The following IPPK variants were observed in gnomAD, a reference collection of about 807,000 sequenced individuals.
IPPK encodes inositol-pentakisphosphate 2-kinase, also known as IPK1 homolog.
IPPK carries 22 observed loss-of-function variants against 64.6 expected under a neutral mutation model. That is an observed-to-expected ratio of 0.34 (90% CI 0.24 to 0.49). The LOEUF (loss-of-function observed/expected upper bound fraction) is 0.49, where lower values mean the gene tolerates loss of function less well. Among genes scored for constraint, IPPK ranks in the 20% least tolerant of loss-of-function variants. IPPK has a pLI of 0.99. For synonymous variants in IPPK, 262 were observed against 247.2 expected, an observed-to-expected ratio of 1.06 and a Z score of -0.56; for missense variants, 532 against 630.7, an observed-to-expected ratio of 0.84 and a Z score of 1.68.
chr9:92,629,749 A>C (rs975954864), intron 11 of IPPK, among the ~76,000 whole-genome samples: 5 of 151,876 alleles, frequency 3.3e-5, no homozygotes, highest in African/African-American at 1.2e-4. Flanking sequence ...CTGAATAGAC[A>C]TTTCTCTGAA....
chr9:92,652,504 T>A, intron 4 of IPPK, 69 bp downstream of exon 4: 6 of 685,588 alleles, frequency 8.8e-6, no homozygotes, highest in Non-Finnish European at 1.5e-5. Flanking sequence ...ACATGGGTAA[T>A]CATTTCAAAC....
chr9:92,624,816 A>C (rs577183906), intron 11 of IPPK, among the ~76,000 whole-genome samples: 1 of 152,300 alleles, frequency 6.6e-6, no homozygotes, highest in East Asian at 1.9e-4. Flanking sequence ...GGATCACTCT[A>C]AAGTAAATAG....
rs771515572 is a variant in IPPK at position 92,669,916 on chromosome 9, G to A, written c.73C>T (p.His25Tyr). The A allele has an allele frequency of 1.9e-6, 3 of 1,611,446 alleles. No individual in the cohort carries two copies. In the South Asian group the frequency reaches 3.3e-5, roughly 18 times the overall value. Residue 25 changes from histidine to tyrosine, a missense_variant, in exon 1 of 13, where the codon CAC (histidine) becomes TAC (tyrosine). Physicochemically the swap from His to Tyr is moderately conservative, Grantham distance 83. Coordinates refer to ENST00000287996, the MANE Select transcript of IPPK (RefSeq NM_022755.6). ...GEGNKSLVVA[H>Y]AQRCVVLRFL... ...GCACGTCCACCGCTCACCTGCGCGT[G>A]GGCCACCACCAGGCTCTTATTGCCC...
intron 11 of IPPK, among the ~76,000 whole-genome samples, chr9:92,625,897 C>T (rs867094065): frequency 1.2e-4 from 18 of 151,966 alleles, no homozygotes; most frequent in African/African-American, 3.1e-4. Flanking sequence ...CAAGGCAACA[C>T]GGATGAGTCA....
chr9:92,635,207 G>A lies in IPPK; in HGVS notation c.1018C>T (p.Pro340Ser), dbSNP rs1397481067. 2 of 1,614,190 alleles carry A rather than the reference G, an allele frequency of 1.2e-6. No individual in the cohort carries two copies. Among genetic ancestry groups the A allele is most frequent in the Non-Finnish European group, 8.5e-7 (1 of 1,180,016 alleles). ...LDLLDIEGLY[P>S]LYNRVERYLE... The stretch of plus-strand genomic sequence containing the variant: ...TATCGCTCAACCCGGTTGTACAGAG[G>A]GTAGAGGCCTTCGATGTCCAGCAGG... The change falls in exon 10 of 13, where the codon CCT becomes TCT. Residue 340 changes from proline (P) to serine (S), a missense_variant. Physicochemically the swap from Pro to Ser is moderately conservative, Grantham distance 74. Coordinates refer to ENST00000287996, the MANE Select transcript of IPPK (RefSeq NM_022755.6). This position sits in a 1 kb window ranked among gnomAD's most constrained non-coding sequence, Gnocchi z 4.4.
intron 11 of IPPK, among the ~76,000 whole-genome samples, chr9:92,634,017 G>A (rs1042526624): frequency 1.3e-5 from 2 of 152,252 alleles, no homozygotes; most frequent in African/African-American, 4.8e-5. Context: ...CAGGGGCAGG[G>A]CAGAGGCACA....
At chr9:92,650,215 CGG>C (rs1209421662) in intron 4 of IPPK, among the ~76,000 whole-genome samples, 1 of 143,050 alleles carries the variant, frequency 7.0e-6, no homozygotes, top group Non-Finnish European at 1.5e-5. Context: ...CCCAGCTACT[CGG>C]GAGGCGTAGG....
Position 92,634,502 on chromosome 9 carries a change from C to T in IPPK, c.1068-14G>A, listed in dbSNP as rs1851902037. On this transcript the variant is annotated splice_polypyrimidine_tract_variant and intron_variant, in intron 10 of 12. Coordinates refer to ENST00000287996, the MANE Select transcript of IPPK (RefSeq NM_022755.6). Reference sequence around the variant, plus strand: ...TGTAAGGTTTTTCTGAAGAAGAAAGCACAATAAAAACAGGATGACAAAGCC... The same window carrying T: ...TGTAAGGTTTTTCTGAAGAAGAAAGTACAATAAAAACAGGATGACAAAGCC... 6.3e-7 allele frequency: 1 copy of T among 1,593,764 alleles called. No individual in the cohort carries two copies. The highest frequency in any genetic ancestry group is 8.6e-7 in the Non-Finnish European group (1 of 1,161,656).
chr9:92,647,927 T>C, intron 6 of IPPK, 132 bp downstream of exon 6: 1 of 632,606 alleles, frequency 1.6e-6, no homozygotes, highest in Non-Finnish European at 2.7e-6. Context: ...CATGAATCAC[T>C]TTGTGAAATA....
intron 12 of IPPK, 71 bp from the exon 13 acceptor site, chr9:92,616,128 C>A: frequency 9.6e-7 from 1 of 1,040,890 alleles, no homozygotes; most frequent in South Asian, 1.5e-5. Flanking sequence ...GTTCTCTCTC[C>A]CTTTCTTCTT....
At chr9:92,633,167 C>T (rs374129248) in intron 11 of IPPK, among the ~76,000 whole-genome samples, 4 of 151,944 alleles carry the variant, frequency 2.6e-5, no homozygotes, top group Non-Finnish European at 2.9e-5. Context: ...CCTGCCACCA[C>T]GCCTGCTTAA....
rs7030225 is a variant in IPPK, at chr9:92,616,422, A to G, written c.1251-365T>C. 874 of 188,588 alleles carry G rather than the reference A, an allele frequency of 4.6e-3. 13 individuals are homozygous for G. Among genetic ancestry groups the G allele is most frequent in the African/African-American group, 0.019 (817 of 42,666 alleles). The allele number at this position is 188,588 out of a possible 1,614,324, so 11.7% of individuals were successfully genotyped here. A position where few individuals can be genotyped will look rare whatever the true frequency, so the allele number is the denominator to read the frequency against. On this transcript the variant is annotated intron_variant, in intron 12 of 12. Transcript: ENST00000287996. ...CATGTGAGCGATGTTCCCCCAGCCC[A>G]GTGGTATAAACGAACGCTGAAAAAT...
rs1269986031 is a variant in IPPK, at chr9:92,648,165, TAAG to T, written c.415-20_415-18del. On this transcript the variant is annotated intron_variant, in intron 5 of 12. Transcript: ENST00000287996. ...ACATTTTGGCTGTAAAATAAACAAATAAGGAGGAAAAATATTTAGGAAGAAATC... is the reference window on the plus strand; with the variant it reads ...ACATTTTGGCTGTAAAATAAACAAATGAGGAAAAATATTTAGGAAGAAATC... The T allele has an allele frequency of 8.9e-6, 14 of 1,578,464 alleles. No homozygotes were observed. The highest frequency in any genetic ancestry group is 4.0e-5 in the African/African-American group (3 of 74,120).
chr9:92,642,558 G>C (rs180754859), intron 7 of IPPK, among the ~76,000 whole-genome samples, 194 bp downstream of exon 7: 4 of 152,338 alleles, frequency 2.6e-5, no homozygotes, highest in Admixed American at 2.6e-4. Context: ...GTCAAACTGT[G>C]AGCACAGAGA....
At chr9:92,662,005 C>G (rs1300349151) in intron 1 of IPPK, among the ~76,000 whole-genome samples, 2 of 152,154 alleles carry the variant, frequency 1.3e-5, no homozygotes, top group African/African-American at 4.8e-5. Context: ...CACAATGAGT[C>G]CAAGGGGCAC....
intron 11 of IPPK, among the ~76,000 whole-genome samples, chr9:92,633,213 A>G (rs772020667): frequency 1.4e-4 from 22 of 151,810 alleles, no homozygotes; most frequent in Non-Finnish European, 2.5e-4. Context: ...GGGTTTGACC[A>G]TGTTAGCCAG....
chr9:92,622,541 C>T (rs1224552682), intron 11 of IPPK, among the ~76,000 whole-genome samples: 1 of 151,920 alleles, frequency 6.6e-6, no homozygotes, highest in Non-Finnish European at 1.5e-5. Flanking sequence ...CATCTAAAAC[C>T]ATCAAATATC....
At chr9:92,628,313 G>T (rs546499512) in intron 11 of IPPK, among the ~76,000 whole-genome samples, 1 of 152,178 alleles carries the variant, frequency 6.6e-6, no homozygotes, top group African/African-American at 2.4e-5. Flanking sequence ...CTTTGTAGAC[G>T]AAGCTGATTC....
intron 2 of IPPK, among the ~76,000 whole-genome samples, chr9:92,657,519 T>A (rs1204074397): frequency 6.6e-6 from 1 of 152,156 alleles, no homozygotes; most frequent in Non-Finnish European, 1.5e-5. Flanking sequence ...GGGCCACAGA[T>A]GCCAGGCCTT....
Sources: gnomAD v4.1 joint callset for allele counts (sites outside exome capture counted in the v4.1 genomes callset) on GRCh38, gnomAD v4.1.1 for gene constraint, Gnocchi (gnomAD v3.1) non-coding constraint, MANE v1.5 for transcripts, NCBI Gene and HGNC (gene_info 2026-07-23, HGNC 2026-07-21) for gene names.